Variants in PIEZO2 observed in about 807,000 individuals in gnomAD.
PIEZO2 encodes piezo type mechanosensitive ion channel component 2.
In PIEZO2, 172 loss-of-function variants were observed where a neutral mutation model predicts 337.3. The ratio of observed to expected loss-of-function variants is 0.51; its 90% CI spans 0.45 to 0.58. PIEZO2 has a LOEUF of 0.58. Among genes scored for constraint, PIEZO2 ranks in the 20% least tolerant of loss-of-function variants. The pLI, the probability that PIEZO2 is intolerant of heterozygous loss-of-function variation, is 0.00. For missense variants in PIEZO2, 3,028 were observed against 3,391.3 expected (o/e 0.89, Z 2.66); for synonymous variants, 1,251 against 1,228.5 (o/e 1.02, Z -0.38).
rs894287245 is a variant in PIEZO2, at chr18:10,670,729, T to C, written c.*798A>G. ...TTCTAGGTCCCACTGGGTTGGTCTT[T>C]TTACTCTTCTGCCTCATGTCTGTTT... On this transcript the variant is annotated 3_prime_UTR_variant, in exon 56 of 56. Coordinates refer to ENST00000674853, the MANE Select transcript of PIEZO2 (RefSeq NM_001378183.1). The C allele has an allele frequency of 2.0e-5, 3 of 152,580 alleles. No homozygotes were observed. The highest frequency in any genetic ancestry group is 7.2e-5 in the African/African-American group (3 of 41,442). The allele number at this position is 152,580 out of a possible 1,614,324, so 9.5% of individuals were successfully genotyped here. A position where few individuals can be genotyped will look rare whatever the true frequency, so the allele number is the denominator to read the frequency against.
In PIEZO2 at chr18:11,031,792, G is replaced by T. The variant is rs188081374; in HGVS notation, c.160+34335C>A. ...AAAAGTTGAGAACTGGGACATTAAG[G>T]TATGGGGCATGAGGTGTTGGCAAGC... On this transcript the variant is annotated intron_variant, in intron 2 of 55. Coordinates refer to ENST00000674853, the MANE Select transcript of PIEZO2 (RefSeq NM_001378183.1). The surrounding 1 kb of genome is among the most constrained non-coding windows in gnomAD (Gnocchi z 4.7). Among the ~76,000 whole-genome samples, 441 of 152,222 alleles carry T rather than the reference G, an allele frequency of 2.9e-3. 2 individuals are homozygous for T. The highest frequency in any genetic ancestry group is 0.01 in the African/African-American group (417 of 41,530).
intron 42 of PIEZO2, among the ~76,000 whole-genome samples, chr18:10,702,377 A>G (rs555883911): frequency 2.0e-5 from 3 of 152,316 alleles, no homozygotes; most frequent in African/African-American, 7.2e-5. Context: ...TAACCGTCAC[A>G]GTGTCTTTCA....
At chr18:11,124,633 G>A (rs2040129882) in intron 1 of PIEZO2, among the ~76,000 whole-genome samples, 1 of 152,072 alleles carries the variant, frequency 6.6e-6, no homozygotes, top group Admixed American at 6.5e-5. Context: ...AGACTGGCAG[G>A]CATGTGTCTC....
At chr18:10,817,021 T>C (rs989960903) in intron 7 of PIEZO2, among the ~76,000 whole-genome samples, 13 of 152,198 alleles carry the variant, frequency 8.5e-5, no homozygotes, top group African/African-American at 2.9e-4. Flanking sequence ...GCTTCTTCCA[T>C]TAGAAATACA....
Position 10,899,880 on chromosome 18 carries a change from GTAGGATC to G in PIEZO2, c.329+11299_329+11305del, listed in dbSNP as rs1297741097. ...TTAGTTCAAGAATGCACTGTTTTCT[GTAGGATC>G]TCATTGTCATTCATTAACTCGAAGA... On this transcript the variant is annotated intron_variant, in intron 4 of 55. Coordinates refer to ENST00000674853, the MANE Select transcript of PIEZO2 (RefSeq NM_001378183.1). This position sits in a 1 kb window ranked among gnomAD's most constrained non-coding sequence, Gnocchi z 4.6. 6.6e-6 allele frequency among the ~76,000 whole-genome samples: 1 copy of G among 152,098 alleles called. No homozygotes were observed. The highest frequency in any genetic ancestry group is 1.5e-5 in the Non-Finnish European group (1 of 68,018).
chr18:10,922,650 C>T lies in PIEZO2; in HGVS notation c.287-11422G>A, dbSNP rs765128884. On this transcript the variant is annotated intron_variant, in intron 3 of 55. Transcript: ENST00000674853. ...CTCTGAGAGCAGAGGAAACAGAAGA[C>T]GACTGTCCTGGGGTCAGATGTGCAG... 3.2e-4 allele frequency among the ~76,000 whole-genome samples: 49 copies of T among 152,024 alleles called. 1 individual carries two copies. Among genetic ancestry groups the T allele is most frequent in the Non-Finnish European group, 6.0e-4 (41 of 67,998 alleles).
rs1243638762 is a variant in PIEZO2 at position 10,715,725 on chromosome 18, G to T, written c.5181C>A (p.Ser1727=). The change falls in exon 38 of 56, where the codon TCC becomes TCA. Residue 1727 remains serine (S), a synonymous_variant. Coordinates refer to ENST00000674853, the MANE Select transcript of PIEZO2 (RefSeq NM_001378183.1). The stretch of plus-strand genomic sequence containing the variant: ...ATATATCAATATGCTCCCTTGAAAT[G>T]GAGTTAAGCCAAGTAGTGAAACTGT... The part of the protein sequence containing the change: ...TVDSFTTWLN[S]ISREHIDIST... 6.5e-7 allele frequency: 1 copy of T among 1,536,448 alleles called. No individual in the cohort carries two copies.
intron 3 of PIEZO2, among the ~76,000 whole-genome samples, chr18:10,914,521 C>T (rs910701273): frequency 2.0e-5 from 3 of 152,058 alleles, no homozygotes; most frequent in Non-Finnish European, 4.4e-5. Flanking sequence ...GATATAAATG[C>T]TATGTAAATA....
rs906818116 is a variant in PIEZO2, at chr18:10,672,120, T to C, written c.8346-341A>G. On this transcript the variant is annotated intron_variant, in intron 55 of 55. Transcript: ENST00000674853. The surrounding 1 kb of genome is among the most constrained non-coding windows in gnomAD (Gnocchi z 4.7). ...TGCATAAACCATATAATGTATTTGG[T>C]AGAAATGTAATTATATATGATTTTC... is the stretch of plus-strand genomic sequence containing the variant. 6.6e-6 allele frequency among the ~76,000 whole-genome samples: 1 copy of C among 152,224 alleles called. No homozygotes were observed. Among genetic ancestry groups the C allele is most frequent in the Non-Finnish European group, 1.5e-5 (1 of 68,032 alleles).
At chr18:10,864,323 C>G (rs1314434968) in intron 5 of PIEZO2, among the ~76,000 whole-genome samples, 1 of 152,112 alleles carries the variant, frequency 6.6e-6, no homozygotes, top group Non-Finnish European at 1.5e-5. Flanking sequence ...AATGAAAATC[C>G]ACATGGGACC....
At chr18:10,705,028 T>C (rs1037122993) in intron 41 of PIEZO2, among the ~76,000 whole-genome samples, 9 of 152,200 alleles carry the variant, frequency 5.9e-5, no homozygotes, top group African/African-American at 2.2e-4. Context: ...CTGATTTTCA[T>C]TTAGCACCAT....
chr18:11,034,944 A>G (rs905902473), intron 2 of PIEZO2, among the ~76,000 whole-genome samples: 1 of 152,202 alleles, frequency 6.6e-6, no homozygotes, highest in Non-Finnish European at 1.5e-5. Context: ...CCAGATCCCA[A>G]CTTCCTGACT....
At position 10,791,260 on chromosome 18, in the gene PIEZO2, T is replaced by G; in HGVS notation, c.1823A>C (p.Gln608Pro). 6.5e-7 allele frequency: 1 copy of G among 1,536,376 alleles called. No homozygotes were observed. The highest frequency in any genetic ancestry group is 8.7e-7 in the Non-Finnish European group (1 of 1,146,440). ...RQHLTEQKAL[Q>P]EKEALLSEVK... ...TTCCGATAAAAGAGCTTCCTTTTCT[T>G]GCAGAGCTTTTTGCTCTGTGAGGTG... The change falls in exon 14 of 56, where the codon CAA (glutamine) becomes CCA (proline). Residue 608 changes from glutamine (Q) to proline (P), a missense_variant. By Grantham distance (76) the Gln-to-Pro change is moderately conservative. Around this residue, in one of 5 missense-constraint regions of PIEZO2, gnomAD observed 1,925 missense variants for 2,051.9 expected, o/e 0.94. Coordinates refer to ENST00000674853, the MANE Select transcript of PIEZO2 (RefSeq NM_001378183.1).
At chr18:10,686,489 G>A (rs2034550207) in intron 49 of PIEZO2, among the ~76,000 whole-genome samples, 2 of 152,228 alleles carry the variant, frequency 1.3e-5, no homozygotes, top group African/African-American at 2.4e-5. Flanking sequence ...GGGAGGCACT[G>A]AGATATGTGC....
chr18:10,878,582 A>G lies in PIEZO2; in HGVS notation c.330-7167T>C, dbSNP rs930588558. ...TTGGAGAAAATATTTCAAAAACAAAAGAAATGAAGTGTATCTAATGAACAT... is the reference window on the plus strand; with the variant it reads ...TTGGAGAAAATATTTCAAAAACAAAGGAAATGAAGTGTATCTAATGAACAT... On this transcript the variant is annotated intron_variant, in intron 4 of 55. Transcript: ENST00000674853. The surrounding 1 kb of genome is among the most constrained non-coding windows in gnomAD (Gnocchi z 4.3). Among the ~76,000 whole-genome samples, 1 of 152,246 alleles carries G rather than the reference A, an allele frequency of 6.6e-6. No individual in the cohort carries two copies. Among genetic ancestry groups the G allele is most frequent in the Non-Finnish European group, 1.5e-5 (1 of 68,040 alleles).
chr18:10,768,139 C>T (rs1193039266), intron 21 of PIEZO2, among the ~76,000 whole-genome samples: 6 of 152,062 alleles, frequency 3.9e-5, no homozygotes, highest in Non-Finnish European at 8.8e-5. Flanking sequence ...AAGAAAGGAT[C>T]AGATAAGAAA....
intron 49 of PIEZO2, among the ~76,000 whole-genome samples, chr18:10,686,361 G>T (rs2034544676): frequency 6.6e-6 from 1 of 152,234 alleles, no homozygotes; most frequent in South Asian, 2.1e-4. Flanking sequence ...GGAATGAATA[G>T]ATGAGGATAG....
chr18:10,684,155 CTTTTTTTTTTTT>C (rs71169941), intron 49 of PIEZO2, among the ~76,000 whole-genome samples: 2 of 61,396 alleles, frequency 3.3e-5, no homozygotes, highest in South Asian at 1.2e-3. Flanking sequence ...TGTCTTTCCT[CTTTTTTTTTTTT>C]TTTTTTTTTT....
At position 10,828,117 on chromosome 18, in the gene PIEZO2, T is replaced by G. The variant is rs373621552; in HGVS notation, c.918-20843A>C. 1.2e-3 allele frequency among the ~76,000 whole-genome samples: 143 copies of G among 124,234 alleles called. No individual in the cohort carries two copies. The highest frequency in any genetic ancestry group is 4.7e-3 in the African/African-American group (132 of 28,058). 81.5% of individuals were successfully genotyped at this position (124,234 alleles called of 152,430 possible). A position where few individuals can be genotyped will look rare whatever the true frequency, so the allele number is the denominator to read the frequency against. On this transcript the variant is annotated intron_variant, in intron 7 of 55. Coordinates refer to ENST00000674853, the MANE Select transcript of PIEZO2 (RefSeq NM_001378183.1). The surrounding 1 kb of genome is among the most constrained non-coding windows in gnomAD (Gnocchi z 4.1). Reference sequence around the variant, plus strand: ...AGACAAGCTCGAAATAGCATGACGGTTTTTTTTTGTTTGTTTGTTTTTGTT... The same window carrying G: ...AGACAAGCTCGAAATAGCATGACGGGTTTTTTTTGTTTGTTTGTTTTTGTT...
Sources: allele counts gnomAD v4.1 joint callset (sites outside exome capture counted in the v4.1 genomes callset), GRCh38; gene constraint gnomAD v4.1.1; regional missense constraint gnomAD v4.1.1; non-coding constraint Gnocchi (gnomAD v3.1); transcripts MANE v1.5; gene names NCBI Gene and HGNC (gene_info 2026-07-23, HGNC 2026-07-21).